Variants in RBM26 observed in about 807,000 individuals in gnomAD.
RBM26 encodes the protein RNA-binding protein 26.
A neutral mutation model predicts 123.6 loss-of-function variants in RBM26; 30 were observed. The observed-to-expected ratio is 0.24, with a 90% CI of 0.18 to 0.33. The LOEUF is 0.33. Ranked by LOEUF, RBM26 falls within the 10% of genes least tolerant of loss-of-function variation. RBM26 has a pLI of 1.00. For missense variants in RBM26, 947 were observed against 1,203.6 expected (o/e 0.79, Z 3.15); for synonymous variants, 400 against 404.4 (o/e 0.99, Z 0.13).
At chr13:79,313,774 A>G (rs1207290779) in exon 5 of RBM26, 20 of 151,650 alleles carry the variant, frequency 1.3e-4, no homozygotes, top group Admixed American at 1.3e-3. Flanking sequence ...GTTAATTTAC[A>G]TTATGACTGA....
chr13:79,396,735 G>C (rs1463842800), intron 1 of RBM26, among the ~76,000 whole-genome samples: 1 of 152,100 alleles, frequency 6.6e-6, no homozygotes, highest in Non-Finnish European at 1.5e-5. Context: ...ACTTCCACTT[G>C]TTTTAATATT....
intron 14 of RBM26, among the ~76,000 whole-genome samples, chr13:79,350,408 A>G (rs2073059065): frequency 6.6e-6 from 1 of 152,258 alleles, no homozygotes. Context: ...TAACCAGGAC[A>G]GTATACACAG....
At position 79,319,507 on chromosome 13, in the gene RBM26, A is replaced by G. The variant is rs1269548084; in HGVS notation, c.*1114T>C. 1 of 984,258 alleles carries G rather than the reference A, an allele frequency of 1.0e-6. No homozygotes were observed. Among genetic ancestry groups the G allele is most frequent in the East Asian group, 1.1e-4 (1 of 8,798 alleles). 61.0% of individuals were successfully genotyped at this position (984,258 alleles called of 1,614,324 possible). A position where few individuals can be genotyped will look rare whatever the true frequency, so the allele number is the denominator to read the frequency against. On this transcript the variant is annotated 3_prime_UTR_variant, in exon 22 of 22. Coordinates refer to ENST00000438737, the MANE Select transcript of RBM26 (RefSeq NM_001366735.2). Reference sequence around the variant, plus strand: ...TTTTATACAAGTATAGGAAGTACACACTTAAAATATCAGACTGGAACACTT... The same window carrying G: ...TTTTATACAAGTATAGGAAGTACACGCTTAAAATATCAGACTGGAACACTT...
At chr13:79,351,598 GGGC>G (rs201053734) in intron 14 of RBM26, among the ~76,000 whole-genome samples, 4,123 of 21,234 alleles carry the variant, frequency 0.19, 256 homozygotes, top group African/African-American at 0.27. Context: ...AATTTAGTTG[GGGC>G]GGCGGGGGGG....
chr13:79,358,413 T>C lies in RBM26; in HGVS notation c.1550A>G (p.Asn517Ser), dbSNP rs140695915. 3,772 of 1,609,566 alleles carry C rather than the reference T, an allele frequency of 2.3e-3. 141 individuals are homozygous for C. The Admixed American group carries it at 0.06, about 26-fold the overall frequency. Residue 517 changes from asparagine (N) to serine (S), a missense_variant, in exon 11 of 22, where the codon AAC (asparagine) becomes AGC (serine). By Grantham distance (46) the Asn-to-Ser change is conservative (BLOSUM62 1). This residue lies in a region of RBM26 where 493 missense variants were observed against 563.1 expected (regional missense o/e 0.88). Coordinates refer to ENST00000438737, the MANE Select transcript of RBM26 (RefSeq NM_001366735.2). The part of the protein sequence containing the change: ...WFDKPNFNRT[N>S]SPGFQKKVQF... ...AACCTTCTTCTGAAAGCCTGGGCTG[T>C]TTGTTCTATTAAAATTTGGTCTGCA...
At chr13:79,377,299 G>A (rs1328267042) in intron 3 of RBM26, 80 bp downstream of exon 3, 23 of 1,265,498 alleles carry the variant, frequency 1.8e-5, no homozygotes, top group Non-Finnish European at 2.6e-5. Flanking sequence ...CCAACACAAA[G>A]ATATAGAAGA....
rs56071300 is a variant in RBM26 at position 79,319,949 on chromosome 13, C to CTT, written c.*670_*671dup. 5,209 of 114,484 alleles carry CTT rather than the reference C, an allele frequency of 0.045. 11 individuals are homozygous for CTT. Among genetic ancestry groups the CTT allele is most frequent in the East Asian group, 0.086 (41 of 476 alleles). The allele number at this position is 114,484 out of a possible 1,614,324, so 7.1% of individuals were successfully genotyped here. On this transcript the variant is annotated 3_prime_UTR_variant, in exon 22 of 22. Coordinates refer to ENST00000438737, the MANE Select transcript of RBM26 (RefSeq NM_001366735.2). ...TTTAAATCAAGGAACATTGTCTTGG[C>CTT]TTTTTTTTTTTTTTTTTTTTTGTCA...
chr13:79,320,725 G>A lies in RBM26; in HGVS notation c.2935-15C>T. 1 of 1,386,914 alleles carries A rather than the reference G, an allele frequency of 7.2e-7. No homozygotes were observed. Among genetic ancestry groups the A allele is most frequent in the South Asian group, 1.4e-5 (1 of 74,064 alleles). 85.9% of individuals were successfully genotyped at this position (1,386,914 alleles called of 1,614,324 possible). ...TCTTCCTGAAACTTTAGGTTAAAAT[G>A]TATTTAGGAATTTACCCAAAAAAAA... On this transcript the variant is annotated splice_polypyrimidine_tract_variant and intron_variant, in intron 21 of 21. Transcript: ENST00000438737.
intron 8 of RBM26, 46 bp from the exon 9 acceptor site, chr13:79,365,764 C>A: frequency 1.3e-6 from 2 of 1,559,926 alleles, no homozygotes; most frequent in Non-Finnish European, 8.7e-7. Flanking sequence ...TAAAACTCCA[C>A]TTGGTAATTT....
chr13:79,403,000 T>C (rs2079180406), intron 1 of RBM26, among the ~76,000 whole-genome samples: 1 of 151,974 alleles, frequency 6.6e-6, no homozygotes, highest in African/African-American at 2.4e-5. Context: ...AACTAAAAAG[T>C]TTTATGTAAG....
chr13:79,370,331 GA>G (rs898638087), intron 5 of RBM26, among the ~76,000 whole-genome samples: 3 of 151,900 alleles, frequency 2.0e-5, no homozygotes, highest in Non-Finnish European at 4.4e-5. Flanking sequence ...CAAAGATTAA[GA>G]AAAAAAATTT....
chr13:79,337,326 T>C (rs913345855), intron 18 of RBM26, 24 bp from the exon 19 acceptor site: 3 of 1,613,278 alleles, frequency 1.9e-6, no homozygotes, highest in Middle Eastern at 1.7e-4. Context: ...GACACACAGG[T>C]TAAACAATGC....
At position 79,355,354 on chromosome 13, in the gene RBM26, G is replaced by A; in HGVS notation, c.1720C>T (p.Leu574=). The A allele has an allele frequency of 6.2e-7, 1 of 1,613,634 alleles. No individual in the cohort carries two copies. The highest frequency in any genetic ancestry group is 8.5e-7 in the Non-Finnish European group (1 of 1,179,754). The part of the protein sequence containing the change: ...VAYNGDPEGA[L]IQFATYEEAK... ...TCTTCGTATGTTGCAAATTGGATTA[G>A]GGCACCTTCAGGATCACCATTATAA... The change falls in exon 12 of 22, where the codon CTA becomes TTA. Residue 574 remains leucine (L), a synonymous_variant. Coordinates refer to ENST00000438737, the MANE Select transcript of RBM26 (RefSeq NM_001366735.2).
chr13:79,405,159 T>C (rs148506901), intron 1 of RBM26, among the ~76,000 whole-genome samples: 2 of 152,338 alleles, frequency 1.3e-5, no homozygotes, highest in Non-Finnish European at 2.9e-5. Flanking sequence ...CTCTCCAAGC[T>C]AACGAACGCG....
downstream of RBM26, among the ~76,000 whole-genome samples, chr13:79,316,821 A>G (rs78252980): frequency 0.048 from 7,274 of 151,674 alleles, 527 homozygotes; most frequent in African/African-American, 0.15. Flanking sequence ...ACGTTCCTCA[A>G]TTTTTTCCTG....
rs760553700 is a variant in RBM26 at position 79,366,667 on chromosome 13, T to C, written c.1101A>G (p.Pro367=). ...GTGGGAGACTGGGTGGCAATGGACC[T>C]GGCGGTGGTACTGGGGGCCTGAGAT... ...PVNLRPPVPP[P]GPLPPSLPPV... Residue 367 remains proline (P), a synonymous_variant, in exon 7 of 22, where the codon CCA becomes CCG. Transcript: ENST00000438737. 1 of 1,570,626 alleles carries C rather than the reference T, an allele frequency of 6.4e-7. No individual in the cohort carries two copies. The highest frequency in any genetic ancestry group is 8.6e-7 in the Non-Finnish European group (1 of 1,157,000).
intron 20 of RBM26, among the ~76,000 whole-genome samples, chr13:79,325,948 C>T (rs2068340136): frequency 1.3e-5 from 2 of 152,136 alleles, no homozygotes; most frequent in South Asian, 4.1e-4. Flanking sequence ...TACACAAATA[C>T]TTACCATTGT....
In RBM26 at chr13:79,394,922, C is replaced by A. The variant is rs143044527; in HGVS notation, c.71+10782G>T. Among the ~76,000 whole-genome samples, 14 of 152,304 alleles carry A rather than the reference C, an allele frequency of 9.2e-5. No individual in the cohort carries two copies. The East Asian group carries it at 1.5e-3, about 17-fold the overall frequency. ...GTGCTGGGATTACAGGTGTGAGCCA[C>A]GGCACCCAGCCCCAAAGGGAAAATT... On this transcript the variant is annotated intron_variant, in intron 1 of 21. Coordinates refer to ENST00000438737, the MANE Select transcript of RBM26 (RefSeq NM_001366735.2).
chr13:79,405,244 G>A (rs1033495436), intron 1 of RBM26, among the ~76,000 whole-genome samples: 2 of 152,204 alleles, frequency 1.3e-5, no homozygotes, highest in Non-Finnish European at 2.9e-5. Flanking sequence ...AGGTGCAGAT[G>A]AGCCAGACAG....
Sources: gnomAD v4.1 joint callset for allele counts (sites outside exome capture counted in the v4.1 genomes callset) on GRCh38, gnomAD v4.1.1 for gene constraint, gnomAD v4.1.1 regional missense constraint, MANE v1.5 for transcripts, NCBI Gene and HGNC (gene_info 2026-07-23, HGNC 2026-07-21) for gene names.